COX7B2: variants seen among roughly 807,000 people sequenced by gnomAD.
COX7B2 encodes cytochrome c oxidase subunit 7B2, also known as cytochrome c oxidase subunit 7B2, mitochondrial.
For missense variants in COX7B2, 109 were observed against 95.9 expected (o/e 1.14, Z -0.57); for synonymous variants, 37 against 32.1 (o/e 1.15, Z -0.51).
chr4:46,755,162 C>T (rs1419803028), intron 2 of COX7B2, among the ~76,000 whole-genome samples: 1 of 151,878 alleles, frequency 6.6e-6, no homozygotes, highest in Admixed American at 6.6e-5. Context: ...CTGTACATCA[C>T]ATAAACAGAA....
intron 2 of COX7B2, among the ~76,000 whole-genome samples, chr4:46,759,331 T>A (rs556137508): frequency 8.5e-5 from 13 of 152,080 alleles, no homozygotes; most frequent in African/African-American, 2.9e-4. Context: ...ACTCAGAGAT[T>A]TTTTTCTAAT....
rs186823868 is a variant in COX7B2 at position 46,847,112 on chromosome 4, A to G, written c.-104-2098T>C. ...GAAGAAATGAGTGCAGATAGAGGGGAGAGGACAGAGAACTAGCCCTCAAGT... is the reference window on the plus strand; with the variant it reads ...GAAGAAATGAGTGCAGATAGAGGGGGGAGGACAGAGAACTAGCCCTCAAGT... On this transcript the variant is annotated intron_variant, in intron 1 of 2. Coordinates refer to ENST00000355591, the MANE Select transcript of COX7B2 (RefSeq NM_130902.3). Among the ~76,000 whole-genome samples, 268 of 152,150 alleles carry G rather than the reference A, an allele frequency of 1.8e-3. No individual in the cohort carries two copies. The Middle Eastern group carries it at 0.027, about 15-fold the overall frequency.
At position 46,867,133 on chromosome 4, in the gene COX7B2, CCTG is replaced by C. The variant is rs1401797880; in HGVS notation, c.-104-22122_-104-22120del. Among the ~76,000 whole-genome samples, 8 of 152,200 alleles carry C rather than the reference CCTG, an allele frequency of 5.3e-5. No homozygotes were observed. The East Asian group carries it at 1.3e-3, about 26-fold the overall frequency. The stretch of plus-strand genomic sequence containing the variant: ...TGTTGTCACAAGGCTTCCAATTCAT[CCTG>C]CTTTCTGACCCAGGAAACAGATATA... On this transcript the variant is annotated intron_variant, in intron 1 of 2. Transcript: ENST00000355591.
chr4:46,849,359 T>A (rs1365164642), intron 1 of COX7B2, among the ~76,000 whole-genome samples: 1 of 152,138 alleles, frequency 6.6e-6, no homozygotes, highest in Non-Finnish European at 1.5e-5. Context: ...TAAGATTAGA[T>A]CATGGCATGG....
At chr4:46,792,468 A>T (rs762429622) in intron 2 of COX7B2, among the ~76,000 whole-genome samples, 1 of 152,150 alleles carries the variant, frequency 6.6e-6, no homozygotes, top group Non-Finnish European at 1.5e-5. Context: ...CAGAAGAAAA[A>T]GGTAAAATAA....
At chr4:46,909,000 C>T (rs1472394637) in intron 1 of COX7B2, among the ~76,000 whole-genome samples, 160 bp downstream of exon 1, 4 of 151,414 alleles carry the variant, frequency 2.6e-5, no homozygotes, top group Non-Finnish European at 5.9e-5. Context: ...GCCGAGATGG[C>T]GTCACTGCAC....
chr4:46,846,756 GAGAGAAATGGTC>G (rs1480138906), intron 1 of COX7B2, among the ~76,000 whole-genome samples: 6 of 152,060 alleles, frequency 3.9e-5, no homozygotes, highest in Non-Finnish European at 8.8e-5. Context: ...TTACAAAGTG[GAGAGAAATGGTC>G]AGAGACTGAA....
chr4:46,746,522 T>C (rs1715034495), intron 2 of COX7B2, among the ~76,000 whole-genome samples: 1 of 150,516 alleles, frequency 6.6e-6, no homozygotes, highest in African/African-American at 2.4e-5. Context: ...ACAAAAGATG[T>C]CCAGTATACA....
intron 1 of COX7B2, among the ~76,000 whole-genome samples, chr4:46,878,821 G>C (rs1260932946): frequency 1.3e-5 from 2 of 152,152 alleles, no homozygotes; most frequent in Non-Finnish European, 2.9e-5. Context: ...CTGAGGGCAT[G>C]ACTCAGAGGC....
intron 1 of COX7B2, among the ~76,000 whole-genome samples, chr4:46,870,594 A>G (rs888247356): frequency 3.9e-5 from 6 of 152,110 alleles, no homozygotes; most frequent in Non-Finnish European, 7.4e-5. Context: ...TCATAGTCTC[A>G]GCCCAAAAGC....
At chr4:46,884,619 C>A (rs146103653) in intron 1 of COX7B2, among the ~76,000 whole-genome samples, 377 of 152,184 alleles carry the variant, frequency 2.5e-3, no homozygotes, top group African/African-American at 8.5e-3. Flanking sequence ...AGCAGATGAA[C>A]CCAGCAAGCC....
intron 2 of COX7B2, among the ~76,000 whole-genome samples, chr4:46,821,030 T>A (rs1714247540): frequency 6.6e-6 from 1 of 152,132 alleles, no homozygotes; most frequent in African/African-American, 2.4e-5. Flanking sequence ...GTATGCATGC[T>A]AAAGTAAGAT....
chr4:46,850,182 A>AAAATGATTTAATTTTAAATAATTT (rs1441391220), intron 1 of COX7B2, among the ~76,000 whole-genome samples: 9 of 149,564 alleles, frequency 6.0e-5, no homozygotes, highest in Admixed American at 2.0e-4. Context: ...AAAATAATTT[A>AAAATGATTTAATTTTAAATAATTT]AAATGATTTA....
chr4:46,797,553 C>A (rs558508758), intron 2 of COX7B2, among the ~76,000 whole-genome samples: 12 of 152,116 alleles, frequency 7.9e-5, no homozygotes, highest in Middle Eastern at 6.3e-3. Context: ...AGAAGCCAAG[C>A]GGAAGCCACT....
At chr4:46,759,716 G>A (rs949784411) in intron 2 of COX7B2, among the ~76,000 whole-genome samples, 3 of 151,778 alleles carry the variant, frequency 2.0e-5, no homozygotes, top group Non-Finnish European at 4.4e-5. Flanking sequence ...GAGAGGATGT[G>A]GGGAAATAGG....
chr4:46,747,297 AT>A (rs377206805), intron 2 of COX7B2, among the ~76,000 whole-genome samples: 2 of 78,030 alleles, frequency 2.6e-5, no homozygotes, highest in Admixed American at 1.6e-4. Context: ...ATTTTATTTT[AT>A]TTTATTTTAT....
chr4:46,753,364 A>C (rs1055629387), intron 2 of COX7B2, among the ~76,000 whole-genome samples: 21 of 152,134 alleles, frequency 1.4e-4, no homozygotes, highest in Non-Finnish European at 2.1e-4. Context: ...TTTTCAAAAA[A>C]CCAGCACCCA....
chr4:46,833,385 G>C (rs542837447), intron 2 of COX7B2, among the ~76,000 whole-genome samples: 1 of 152,314 alleles, frequency 6.6e-6, no homozygotes, highest in Non-Finnish European at 1.5e-5. Context: ...AATGAGAAAA[G>C]AGGTTAGAAA....
chr4:46,829,913 G>A (rs144126924), intron 2 of COX7B2, among the ~76,000 whole-genome samples: 2 of 152,216 alleles, frequency 1.3e-5, no homozygotes, highest in African/African-American at 4.8e-5. Flanking sequence ...CACCAAGTTT[G>A]GAATATTAAT....
Sources: allele counts gnomAD v4.1 joint callset (sites outside exome capture counted in the v4.1 genomes callset), GRCh38; gene constraint gnomAD v4.1.1; transcripts MANE v1.5; gene names NCBI Gene and HGNC (gene_info 2026-07-23, HGNC 2026-07-21).